Variants in AP4M1 observed in about 807,000 individuals in gnomAD.
AP4M1 encodes adaptor related protein complex 4 subunit mu 1, also known as AP-4 complex subunit mu-1.
Under a neutral mutation model 62.4 loss-of-function variants are expected in AP4M1, and 58 were observed. That is an observed-to-expected ratio of 0.93 (90% confidence interval 0.75 to 1.16). The LOEUF is 1.16. Ranked by LOEUF, AP4M1 falls within the 50% of genes most tolerant of loss-of-function variation. The probability of loss-of-function intolerance (pLI) is 0.00; values close to 1 mark genes in which losing one functional copy is unlikely to be tolerated. For missense variants in AP4M1, 626 were observed against 585.4 expected (o/e 1.07, Z -0.72); for synonymous variants, 290 against 239.7 (o/e 1.21, Z -1.94).
In AP4M1 at chr7:100,107,755, G is replaced by A. The variant is rs1291012934; in HGVS notation, c.*873G>A. 5.6e-6 allele frequency: 8 copies of A among 1,432,608 alleles called. No individual in the cohort carries two copies. Among genetic ancestry groups the A allele is most frequent in the Non-Finnish European group, 6.5e-6 (7 of 1,075,072 alleles). 88.7% of individuals were successfully genotyped at this position (1,432,608 alleles called of 1,614,324 possible). ...GTTCACCCTGTAGACAGCTATGGCT[G>A]GAGACCTTGTTCATGCAGGGCAGCT... On this transcript the variant is annotated 3_prime_UTR_variant, in exon 15 of 15. Coordinates refer to ENST00000359593, the MANE Select transcript of AP4M1 (RefSeq NM_004722.4).
intron 2 of AP4M1, chr7:100,102,251 C>T (rs1323383158): frequency 1.7e-6 from 1 of 576,062 alleles, no homozygotes; most frequent in Admixed American, 2.8e-5. Context: ...CATAGCTGGG[C>T]GTGGTGGCGG....
chr7:100,101,368 G>A, upstream of AP4M1: 2 of 1,595,454 alleles, frequency 1.3e-6, no homozygotes, highest in Admixed American at 1.7e-5. Context: ...GAATCTCCGC[G>A]CGGTGGACTG....
rs1307080382 is a variant in AP4M1, at chr7:100,107,778, G to C, written c.*896G>C. ...CTGGAGACCTTGTTCATGCAGGGCAGCTACAGCCCTGCAGGACCCTGGTGG... is the reference window on the plus strand; with the variant it reads ...CTGGAGACCTTGTTCATGCAGGGCACCTACAGCCCTGCAGGACCCTGGTGG... On this transcript the variant is annotated 3_prime_UTR_variant, in exon 15 of 15. Transcript: ENST00000359593. 1 of 1,386,080 alleles carries C rather than the reference G, an allele frequency of 7.2e-7. No homozygotes were observed. The highest frequency in any genetic ancestry group is 2.7e-5 in the Admixed American group (1 of 36,848). The allele number at this position is 1,386,080 out of a possible 1,614,324, so 85.9% of individuals were successfully genotyped here. A position where few individuals can be genotyped will look rare whatever the true frequency, so the allele number is the denominator to read the frequency against.
In AP4M1 at chr7:100,107,410, G is replaced by T. The variant is rs1316790279; in HGVS notation, c.*528G>T. The T allele has an allele frequency of 6.2e-7, 1 of 1,606,864 alleles. No homozygotes were observed. Among genetic ancestry groups the T allele is most frequent in the African/African-American group, 1.3e-5 (1 of 74,738 alleles). On this transcript the variant is annotated 3_prime_UTR_variant, in exon 15 of 15. Transcript: ENST00000359593. ...GCCGGGGGAGGAACTGGAGAAGGAT[G>T]GGAGGTGGGGCCTCCTTTGCCCTCC...
At chr7:100,101,335 G>T (rs751461458), upstream of AP4M1, 11 of 1,612,314 alleles carry the variant, frequency 6.8e-6, no homozygotes, top group East Asian at 2.5e-4. Context: ...CGGGCTCAGA[G>T]GTCTTGCTCC....
intron 14 of AP4M1, 48 bp downstream of exon 14, chr7:100,106,562 G>GGCCCC: frequency 6.6e-7 from 1 of 1,514,822 alleles, no homozygotes; most frequent in East Asian, 2.3e-5. Flanking sequence ...TTCACTTGCA[G>GGCCCC]CCCCCACCCC....
In AP4M1 at chr7:100,102,845, G is replaced by T. The variant is rs201491556; in HGVS notation, c.255-19G>T. 5.0e-6 allele frequency: 8 copies of T among 1,613,738 alleles called. No individual in the cohort carries two copies. The highest frequency in any genetic ancestry group is 1.7e-4 in the Middle Eastern group (1 of 6,058). On this transcript the variant is annotated intron_variant, in intron 3 of 14. Coordinates refer to ENST00000359593, the MANE Select transcript of AP4M1 (RefSeq NM_004722.4). ...GGTCTGAGAGGAGGAGAAAATACAC[G>T]CTCCAAGTGTTTCCTCAGGTTGGCC... is the stretch of plus-strand genomic sequence containing the variant.
chr7:100,103,052 C>A, intron 4 of AP4M1, 92 bp downstream of exon 4: 9 of 836,976 alleles, frequency 1.1e-5, no homozygotes, highest in Non-Finnish European at 1.7e-5. Context: ...GTTAGGAGGC[C>A]AAGTCTACCT....
Position 100,106,807 on chromosome 7 carries a change from G to A in AP4M1, c.1287G>A (p.Arg429=), listed in dbSNP as rs1330162363. 1.2e-6 allele frequency: 2 copies of A among 1,614,028 alleles called. No homozygotes were observed. The highest frequency in any genetic ancestry group is 1.7e-5 in the Admixed American group (1 of 60,026). The stretch of plus-strand genomic sequence containing the variant: ...TCCGATTCCTCAGGCTGGCCTTCAG[G>A]CCATGCGGCAATGCCAACCCCCACA... ...LQVRFLRLAF[R]PCGNANPHKW... Residue 429 remains arginine (R), a synonymous_variant, in exon 15 of 15, where the codon AGG becomes AGA. Transcript: ENST00000359593.
intron 11 of AP4M1, among the ~76,000 whole-genome samples, 157 bp from the exon 12 acceptor site, chr7:100,105,802 A>G (rs1484382925): frequency 6.6e-6 from 1 of 151,928 alleles, no homozygotes; most frequent in East Asian, 1.9e-4. Flanking sequence ...AAAAAAGGAA[A>G]AAGCTTTGGC....
At position 100,105,089 on chromosome 7, in the gene AP4M1, G is replaced by A. The variant is rs1388509816; in HGVS notation, c.718G>A (p.Glu240Lys). Residue 240 changes from glutamate to lysine, a missense_variant, in exon 9 of 15, where the codon GAG becomes AAG. Glu to Lys is a moderately conservative substitution (Grantham distance 56, BLOSUM62 1). Transcript: ENST00000359593. ...GGAAGAGTTTTGTGTGGGGAAGTCA[G>A]AGCTGAGAGGTGAGGAGAAAGTGGG... ...LTEEFCVGKS[E>K]LRGYGPGIRV... 1 of 1,614,048 alleles carries A rather than the reference G, an allele frequency of 6.2e-7. No individual in the cohort carries two copies. Among genetic ancestry groups the A allele is most frequent in the East Asian group, 2.2e-5 (1 of 44,894 alleles).
intron 6 of AP4M1, 41 bp from the exon 7 acceptor site, chr7:100,104,051 C>A: frequency 6.4e-7 from 1 of 1,555,264 alleles, no homozygotes; most frequent in Non-Finnish European, 8.9e-7. Context: ...AGAACATAGG[C>A]TATTCTGCTT....
upstream of AP4M1, chr7:100,100,925 C>T: frequency 1.9e-6 from 2 of 1,032,556 alleles, no homozygotes; most frequent in South Asian, 3.6e-5. Context: ...CGAAGGAAAG[C>T]GGGCACGGGA....
Position 100,106,404 on chromosome 7 carries a change from C to T in AP4M1, c.1027C>T (p.Leu343=), listed in dbSNP as rs1438678499. ...GCACCTTCCCTTTCCAAACTCCAGC[C>T]TGTCTCAGGAGCTGAGCAGCCCAGA... ...HLPLPRGVVS[L]SQELSSPEQK... The change falls in exon 14 of 15, where the codon CTG becomes TTG. Residue 343 remains leucine, a splice_region_variant and synonymous_variant. Transcript: ENST00000359593. 2.5e-6 allele frequency: 4 copies of T among 1,613,568 alleles called. No homozygotes were observed. Among genetic ancestry groups the T allele is most frequent in the Non-Finnish European group, 3.4e-6 (4 of 1,180,016 alleles).
In AP4M1 at chr7:100,105,980, G is replaced by C; in HGVS notation, c.951G>C (p.Leu317Phe). 6.2e-7 allele frequency: 1 copy of C among 1,614,102 alleles called. No individual in the cohort carries two copies. Among genetic ancestry groups the C allele is most frequent in the Non-Finnish European group, 8.5e-7 (1 of 1,180,024 alleles). Residue 317 changes from leucine (L) to phenylalanine (F), a missense_variant, in exon 12 of 15, where the codon TTG (leucine) becomes TTC (phenylalanine). By Grantham distance (22) the Leu-to-Phe change is conservative (BLOSUM62 0). Coordinates refer to ENST00000359593, the MANE Select transcript of AP4M1 (RefSeq NM_004722.4). ...GSGRLQVYLK[L>F]RCDLLSKSQA... ...CCAGGCTCCAGGTTTATCTAAAGTT[G>C]CGATGTGACCTGCTCTCAAAGAGGT...
chr7:100,103,808 G>A (rs981017638), intron 6 of AP4M1, 116 bp downstream of exon 6: 29 of 1,115,752 alleles, frequency 2.6e-5, no homozygotes, highest in Non-Finnish European at 3.1e-5. Context: ...TTGGGAGGCC[G>A]AGGTGGGCAG....
chr7:100,106,853 C>T lies in AP4M1; in HGVS notation c.1333C>T (p.His445Tyr). 6.2e-7 allele frequency: 1 copy of T among 1,613,726 alleles called. No homozygotes were observed. The highest frequency in any genetic ancestry group is 8.5e-7 in the Non-Finnish European group (1 of 1,180,046). The change falls in exon 15 of 15, where the codon CAC (histidine) becomes TAC (tyrosine). Residue 445 changes from histidine (H) to tyrosine (Y), a missense_variant. Physicochemically the swap from His to Tyr is moderately conservative, Grantham distance 83. Transcript: ENST00000359593. ...CCACAAGTGGGTGCGACACCTAAGC[C>T]ACAGCGACGCCTATGTCATTCGGAT... is the stretch of plus-strand genomic sequence containing the variant. ...NPHKWVRHLS[H>Y]SDAYVIRI
rs754985777 is a variant in AP4M1, at chr7:100,106,643, C to G, written c.1138-15C>G. 1 of 1,612,114 alleles carries G rather than the reference C, an allele frequency of 6.2e-7. No homozygotes were observed. The highest frequency in any genetic ancestry group is 2.2e-5 in the East Asian group (1 of 44,862). On this transcript the variant is annotated splice_polypyrimidine_tract_variant and intron_variant, in intron 14 of 14. Coordinates refer to ENST00000359593, the MANE Select transcript of AP4M1 (RefSeq NM_004722.4). ...TTCTTGCCCTCCTTCCTCTCCCTGC[C>G]TCTGCCCCTCACAGATGGACGTCCC...
Position 100,108,121 on chromosome 7 carries a change from G to T in AP4M1, c.*1239G>T. 6.3e-7 allele frequency: 1 copy of T among 1,595,482 alleles called. No homozygotes were observed. Among genetic ancestry groups the T allele is most frequent in the Admixed American group, 1.8e-5 (1 of 55,752 alleles). On this transcript the variant is annotated 3_prime_UTR_variant, in exon 15 of 15. Coordinates refer to ENST00000359593, the MANE Select transcript of AP4M1 (RefSeq NM_004722.4). ...CCTGCGAGAGGGTCAGCGTGGGCCG[G>T]GGCTGCGGGGAGAAGAGGAAAGGGG...
Sources: gnomAD v4.1 joint callset for allele counts (sites outside exome capture counted in the v4.1 genomes callset) on GRCh38, gnomAD v4.1.1 for gene constraint, MANE v1.5 for transcripts, NCBI Gene and HGNC (gene_info 2026-07-23, HGNC 2026-07-21) for gene names.